Variants in ADGRL2 observed in about 807,000 individuals in gnomAD.
ADGRL2 encodes adhesion G protein-coupled receptor L2, also known as calcium-independent alpha-latrotoxin receptor 2.
In ADGRL2, 44 loss-of-function variants were observed where a neutral mutation model predicts 157.4. The ratio of observed to expected loss-of-function variants is 0.28; its 90% CI spans 0.22 to 0.36. The LOEUF (loss-of-function observed/expected upper bound fraction) is 0.36. Ranked by LOEUF, ADGRL2 falls within the 10% of genes least tolerant of loss-of-function variation. The pLI, the probability that ADGRL2 is intolerant of heterozygous loss-of-function variation, is 1.00. For synonymous variants in ADGRL2, 585 were observed against 624.7 expected (o/e 0.94, Z 0.95); for missense variants, 1,510 against 1,768.9 (o/e 0.85, Z 2.63).
intron 1 of ADGRL2, among the ~76,000 whole-genome samples, chr1:81,409,422 C>A (rs192785180): frequency 9.3e-4 from 141 of 152,270 alleles, no homozygotes; most frequent in African/African-American, 3.2e-3. Context: ...GGTTAGGCAG[C>A]TACAGTATAG....
At chr1:81,694,243 G>A (rs577950803) in intron 3 of ADGRL2, among the ~76,000 whole-genome samples, 4 of 152,192 alleles carry the variant, frequency 2.6e-5, no homozygotes, top group African/African-American at 9.6e-5. Flanking sequence ...CAAAATAAAG[G>A]AGTAGGAATA....
chr1:81,387,046 C>A (rs2101088555), intron 1 of ADGRL2, among the ~76,000 whole-genome samples: 1 of 152,150 alleles, frequency 6.6e-6, no homozygotes, highest in African/African-American at 2.4e-5. Flanking sequence ...TAGTATAGTT[C>A]TGACTTTTAT....
chr1:81,339,486 C>G (rs955178357), intron 1 of ADGRL2, among the ~76,000 whole-genome samples: 4 of 152,082 alleles, frequency 2.6e-5, no homozygotes, highest in Admixed American at 6.5e-5. Context: ...TTTGTATTCC[C>G]AGTTCCTACC....
rs1050148521 is a variant in ADGRL2 at position 81,476,181 on chromosome 1, GA to G, written c.-248+31099del. ...TAAGTGACAGAGAGAGAAAGAAAAA[GA>G]AAAAAAGGAAAGAAAGGGAAAGCAA... On this transcript the variant is annotated intron_variant, in intron 2 of 24. Coordinates refer to the ADGRL2 transcript ENST00000370721. 6.6e-5 allele frequency among the ~76,000 whole-genome samples: 10 copies of G among 151,352 alleles called. No individual in the cohort carries two copies. The South Asian group carries it at 1.0e-3, about 16-fold the overall frequency.
chr1:81,913,875 A>C (rs2094791893), intron 3 of ADGRL2, among the ~76,000 whole-genome samples: 1 of 152,140 alleles, frequency 6.6e-6, no homozygotes, highest in Admixed American at 6.6e-5. Flanking sequence ...TGTATTCATA[A>C]ATAACTTTGA....
intron 2 of ADGRL2, among the ~76,000 whole-genome samples, chr1:81,523,936 G>A (rs1055299057): frequency 3.3e-5 from 5 of 151,946 alleles, no homozygotes; most frequent in Non-Finnish European, 5.9e-5. Context: ...GTGGTGACAG[G>A]AGCTCATAAT....
intron 1 of ADGRL2, among the ~76,000 whole-genome samples, chr1:81,802,854 T>A (rs1171841125): frequency 1.3e-5 from 2 of 151,922 alleles, no homozygotes; most frequent in Non-Finnish European, 1.5e-5. Flanking sequence ...TTAGGTGGTG[T>A]GGGGAGGCGA....
At chr1:81,582,211 C>T (rs912624500) in intron 3 of ADGRL2, among the ~76,000 whole-genome samples, 1 of 151,818 alleles carries the variant, frequency 6.6e-6, no homozygotes, top group African/African-American at 2.4e-5. Context: ...CAGAGTGAGA[C>T]TCTGTCTCAA....
At chr1:81,688,754 C>T (rs2083278152) in intron 3 of ADGRL2, among the ~76,000 whole-genome samples, 1 of 152,082 alleles carries the variant, frequency 6.6e-6, no homozygotes, top group Admixed American at 6.6e-5. Context: ...CTTGTTTTGT[C>T]ATATTACCAG....
At chr1:81,792,868 A>G (rs1400672447) in intron 2 of ADGRL2, among the ~76,000 whole-genome samples, 6 of 152,128 alleles carry the variant, frequency 3.9e-5, no homozygotes, top group Admixed American at 3.3e-4. Flanking sequence ...TATTTGTGTA[A>G]TAAGATAAAA....
chr1:81,980,629 T>A (rs1470209933), intron 18 of ADGRL2, among the ~76,000 whole-genome samples: 2 of 151,804 alleles, frequency 1.3e-5, no homozygotes, highest in Non-Finnish European at 2.9e-5. Context: ...CTATTTTTAA[T>A]GTCAAAAATG....
chr1:81,763,777 C>T (rs9726013), intron 2 of ADGRL2, among the ~76,000 whole-genome samples: 47,356 of 151,646 alleles, frequency 0.31, 8,541 homozygotes, highest in East Asian at 0.77. Flanking sequence ...GAGACGGAGG[C>T]GGGCGGATTA....
intron 2 of ADGRL2, among the ~76,000 whole-genome samples, chr1:81,534,899 C>T (rs1032749544): frequency 3.9e-5 from 6 of 152,166 alleles, no homozygotes; most frequent in Non-Finnish European, 8.8e-5. Flanking sequence ...TTTTAACATT[C>T]TTTGTGAATT....
intron 2 of ADGRL2, among the ~76,000 whole-genome samples, chr1:81,562,322 G>A (rs1481873788): frequency 2.6e-5 from 4 of 152,116 alleles, no homozygotes; most frequent in African/African-American, 9.7e-5. Flanking sequence ...TGTTCCATAT[G>A]TAAACTGACA....
chr1:81,502,106 G>A, intron 2 of ADGRL2: 2 of 1,596,952 alleles, frequency 1.3e-6, no homozygotes, highest in South Asian at 2.2e-5. Context: ...TGAAGTTGCA[G>A]AGGTGGCTGA....
rs1208276101 is a variant in ADGRL2, at chr1:81,369,339, T to TA, written c.-302+62831dup. Among the ~76,000 whole-genome samples the TA allele has an allele frequency of 2.6e-5, 4 of 152,292 alleles. No individual in the cohort carries two copies. The East Asian group carries it at 7.7e-4, about 29-fold the overall frequency. Reference sequence around the variant, plus strand: ...GACTTGAAAAAATACAGTCTATATATACATAGCTTTTTAAACTCCCTGATG... The same window carrying TA: ...GACTTGAAAAAATACAGTCTATATATAACATAGCTTTTTAAACTCCCTGATG... On this transcript the variant is annotated intron_variant, in intron 1 of 24. Coordinates refer to the ADGRL2 transcript ENST00000370721.
At chr1:81,459,909 T>A (rs554252397) in intron 2 of ADGRL2, among the ~76,000 whole-genome samples, 76 of 152,094 alleles carry the variant, frequency 5.0e-4, no homozygotes, top group African/African-American at 1.7e-3. Context: ...TGGAGTGTTT[T>A]AAAGACCCTC....
chr1:81,415,183 A>T lies in ADGRL2; in HGVS notation c.-301-29853A>T, dbSNP rs535406779. Among the ~76,000 whole-genome samples the T allele has an allele frequency of 1.5e-3, 227 of 148,768 alleles. 1 individual carries two copies. The highest frequency in any genetic ancestry group is 6.9e-3 in the Middle Eastern group (2 of 290). On this transcript the variant is annotated intron_variant, in intron 1 of 24. Transcript: ENST00000370721. ...AAAAGACAAGATTGACACTTTTTAC[A>T]TAGAATCCAACCCACATTTGTCTTT...
At chr1:81,499,043 G>A (rs904508658) in intron 2 of ADGRL2, among the ~76,000 whole-genome samples, 3 of 152,160 alleles carry the variant, frequency 2.0e-5, no homozygotes, top group Non-Finnish European at 1.5e-5. Context: ...GTGATTTGTG[G>A]CAGCTTACCA....
Sources: allele counts gnomAD v4.1 joint callset (sites outside exome capture counted in the v4.1 genomes callset), GRCh38; gene constraint gnomAD v4.1.1; transcripts MANE v1.5; gene names NCBI Gene and HGNC (gene_info 2026-07-23, HGNC 2026-07-21).